Variants in GRM7 observed in about 807,000 individuals in gnomAD.
GRM7 encodes glutamate metabotropic receptor 7, also known as metabotropic glutamate receptor 7.
Under a neutral mutation model 84.5 loss-of-function variants are expected in GRM7, and 35 were observed. The observed-to-expected ratio is 0.41, with a 90% CI of 0.32 to 0.55. The LOEUF is 0.55. Among genes scored for constraint, GRM7 ranks in the 20% least tolerant of loss-of-function variants. GRM7 has a pLI of 0.19. For synonymous variants in GRM7, 487 were observed against 455.1 expected (o/e 1.07, Z -0.89); for missense variants, 1,003 against 1,194.6 (o/e 0.84, Z 2.36).
intron 1 of GRM7, among the ~76,000 whole-genome samples, chr3:6,983,225 C>G (rs1178774115): frequency 6.6e-6 from 1 of 152,092 alleles, no homozygotes; most frequent in Non-Finnish European, 1.5e-5. Flanking sequence ...CTCTGACTAT[C>G]CAAGATTGTT....
chr3:7,487,765 G>A (rs1699375943), intron 7 of GRM7, among the ~76,000 whole-genome samples: 2 of 152,226 alleles, frequency 1.3e-5, no homozygotes, highest in African/African-American at 4.8e-5. Flanking sequence ...GGCTGGGGCA[G>A]AGCCACCCCA....
chr3:7,253,639 A>G (rs931949007), intron 2 of GRM7, among the ~76,000 whole-genome samples: 180 of 121,596 alleles, frequency 1.5e-3, no homozygotes, highest in Non-Finnish European at 1.9e-3. Flanking sequence ...AAAAAAAAAA[A>G]TCACTAAATT....
At chr3:7,257,639 C>A (rs1258570935) in intron 2 of GRM7, among the ~76,000 whole-genome samples, 1 of 152,150 alleles carries the variant, frequency 6.6e-6, no homozygotes, top group African/African-American at 2.4e-5. Flanking sequence ...TGGATAGAAA[C>A]CTAGCGGTAG....
chr3:7,063,548 A>T (rs1697508038), intron 1 of GRM7, among the ~76,000 whole-genome samples: 1 of 151,734 alleles, frequency 6.6e-6, no homozygotes, highest in South Asian at 2.1e-4. Flanking sequence ...TACAAAGCTC[A>T]TTTTCTTGCC....
intron 1 of GRM7, among the ~76,000 whole-genome samples, chr3:7,057,929 T>A (rs9825981): frequency 0.19 from 29,059 of 151,844 alleles, 2,906 homozygotes; most frequent in Admixed American, 0.28. Flanking sequence ...TCATCAGGTA[T>A]CTAGACAGGT....
At chr3:7,537,006 C>G (rs1042339730) in intron 7 of GRM7, among the ~76,000 whole-genome samples, 1 of 152,150 alleles carries the variant, frequency 6.6e-6, no homozygotes, top group Non-Finnish European at 1.5e-5. Flanking sequence ...ATGGGCAAGA[C>G]AAGCTCCTGT....
intron 8 of GRM7, among the ~76,000 whole-genome samples, chr3:7,677,183 A>C (rs1700156749): frequency 6.8e-6 from 1 of 146,684 alleles, no homozygotes; most frequent in Non-Finnish European, 1.5e-5. Context: ...ACTCGCTTGA[A>C]CCCGTGAGGC....
intron 1 of GRM7, among the ~76,000 whole-genome samples, chr3:7,014,368 T>G (rs1231067299): frequency 1.3e-5 from 2 of 151,976 alleles, no homozygotes; most frequent in African/African-American, 4.8e-5. Context: ...TGAGACAGAG[T>G]TTTACTCTGT....
At chr3:7,276,569 G>A (rs757428846) in intron 2 of GRM7, among the ~76,000 whole-genome samples, 3 of 151,614 alleles carry the variant, frequency 2.0e-5, no homozygotes, top group Admixed American at 6.6e-5. Context: ...CGGTGGTGTC[G>A]ATGACTAATA....
At chr3:6,886,085 A>G (rs1695681333) in intron 1 of GRM7, among the ~76,000 whole-genome samples, 1 of 135,746 alleles carries the variant, frequency 7.4e-6, no homozygotes, top group Non-Finnish European at 1.6e-5. Context: ...ATTGCCACAC[A>G]TAGTTACCAT....
chr3:7,475,536 A>C (rs145024518), intron 7 of GRM7, among the ~76,000 whole-genome samples: 7 of 152,314 alleles, frequency 4.6e-5, no homozygotes, highest in Non-Finnish European at 7.3e-5. Flanking sequence ...AGGATGGCAG[A>C]TTACAATGTC....
chr3:7,244,207 C>T (rs1697669538), intron 2 of GRM7, among the ~76,000 whole-genome samples: 1 of 152,066 alleles, frequency 6.6e-6, no homozygotes, highest in South Asian at 2.1e-4. Context: ...ACTCTTTTAA[C>T]TTTTTGACTT....
At chr3:7,455,399 C>T (rs962046313) in intron 6 of GRM7, among the ~76,000 whole-genome samples, 2 of 152,014 alleles carry the variant, frequency 1.3e-5, no homozygotes, top group Non-Finnish European at 2.9e-5. Context: ...TAACCAAAAA[C>T]AAAATAGTAG....
chr3:7,468,649 C>A (rs1645148585), intron 7 of GRM7, among the ~76,000 whole-genome samples: 1 of 152,112 alleles, frequency 6.6e-6, no homozygotes, highest in Non-Finnish European at 1.5e-5. Context: ...ATTATAATCC[C>A]CATGTGTTGA....
intron 5 of GRM7, among the ~76,000 whole-genome samples, chr3:7,431,243 A>C (rs960458989): frequency 6.6e-6 from 1 of 152,166 alleles, no homozygotes; most frequent in Admixed American, 6.5e-5. Context: ...AAAAGAATGG[A>C]TTGTTGATAT....
At chr3:7,556,115 G>A (rs7641974) in intron 7 of GRM7, among the ~76,000 whole-genome samples, 7,833 of 152,052 alleles carry the variant, frequency 0.052, 649 homozygotes, top group African/African-American at 0.17. Context: ...TTTGGAGTCT[G>A]GTGAAGACTG....
intron 1 of GRM7, among the ~76,000 whole-genome samples, chr3:6,912,283 A>G (rs1696797298): frequency 6.6e-6 from 1 of 152,218 alleles, no homozygotes; most frequent in African/African-American, 2.4e-5. Context: ...AGAATGAGCT[A>G]TAATATGCCC....
At position 7,592,542 on chromosome 3, in the gene GRM7, G is replaced by A. The variant is rs141617394; in HGVS notation, c.2451+13185G>A. 7.4e-3 allele frequency among the ~76,000 whole-genome samples: 1,125 copies of A among 152,278 alleles called. 9 individuals carry two copies. The highest frequency in any genetic ancestry group is 0.024 in the Middle Eastern group (7 of 294). Reference sequence around the variant, plus strand: ...GGAGGACAGGTGGCAGGGCACCAGCGCATGCAGAATCAGACTGGACGACAT... The same window carrying A: ...GGAGGACAGGTGGCAGGGCACCAGCACATGCAGAATCAGACTGGACGACAT... On this transcript the variant is annotated intron_variant, in intron 8 of 9. Coordinates refer to ENST00000357716, the MANE Select transcript of GRM7 (RefSeq NM_000844.4).
At chr3:7,176,504 T>C (rs1391796435) in intron 2 of GRM7, among the ~76,000 whole-genome samples, 1 of 152,186 alleles carries the variant, frequency 6.6e-6, no homozygotes, top group Non-Finnish European at 1.5e-5. Flanking sequence ...ATTCATTCAG[T>C]GCAGAAAATA....
Sources: gnomAD v4.1 joint callset for allele counts (sites outside exome capture counted in the v4.1 genomes callset) on GRCh38, gnomAD v4.1.1 for gene constraint, MANE v1.5 for transcripts, NCBI Gene and HGNC (gene_info 2026-07-23, HGNC 2026-07-21) for gene names.